The following CFTR variants were observed in gnomAD, a reference collection of about 807,000 sequenced individuals.
CFTR encodes CF transmembrane conductance regulator, also known as cystic fibrosis transmembrane conductance regulator.
CFTR carries 181 observed loss-of-function variants against 171.6 expected under a neutral mutation model. The ratio of observed to expected loss-of-function variants is 1.05; its 90% CI spans 0.93 to 1.19. CFTR has a LOEUF of 1.19. Ranked by LOEUF, CFTR falls within the 50% of genes most tolerant of loss-of-function variation. The pLI is 0.00. For missense variants in CFTR, 1,968 were observed against 1,734.7 expected (o/e 1.13, Z -2.39); for synonymous variants, 583 against 608.0 (o/e 0.96, Z 0.60).
chr7:117,509,469 A>T (rs1351857962), intron 3 of CFTR, among the ~76,000 whole-genome samples: 1 of 152,174 alleles, frequency 6.6e-6, no homozygotes, highest in Non-Finnish European at 1.5e-5. Context: ...TGCTGTATTC[A>T]ACAGGAGAGT....
At chr7:117,614,560 C>A in intron 20 of CFTR, 53 bp from the exon 21 acceptor site, 1 of 1,173,650 alleles carries the variant, frequency 8.5e-7, no homozygotes, top group Non-Finnish European at 1.3e-6. Context: ...TAAAGTCGTT[C>A]ACAGAAGAGA....
At chr7:117,594,326 G>C (rs1014620) in intron 14 of CFTR, among the ~76,000 whole-genome samples, 180 of 152,244 alleles carry the variant, frequency 1.2e-3, no homozygotes, top group African/African-American at 4.0e-3. Context: ...CCTTTGGACT[G>C]TCTGGAATCT....
chr7:117,562,250 A>G (rs35728133), intron 11 of CFTR, among the ~76,000 whole-genome samples: 97 of 152,252 alleles, frequency 6.4e-4, no homozygotes, highest in African/African-American at 2.2e-3. Flanking sequence ...TAGGAGAAAT[A>G]CCCCTGAGAG....
intron 9 of CFTR, among the ~76,000 whole-genome samples, chr7:117,542,573 A>G (rs1222647660): frequency 6.6e-6 from 1 of 152,136 alleles, no homozygotes; most frequent in East Asian, 1.9e-4. Flanking sequence ...AAAAATAAAA[A>G]TAAAAAGAAG....
At chr7:117,650,345 G>T (rs1158371847) in intron 23 of CFTR, among the ~76,000 whole-genome samples, 1 of 152,072 alleles carries the variant, frequency 6.6e-6, no homozygotes, top group Non-Finnish European at 1.5e-5. Context: ...CCAAGTTTCT[G>T]GATTGAAGAA....
intron 15 of CFTR, among the ~76,000 whole-genome samples, chr7:117,596,935 G>C (rs1792139290): frequency 6.6e-6 from 1 of 152,010 alleles, no homozygotes; most frequent in South Asian, 2.1e-4. Flanking sequence ...GTCTAGCTCA[G>C]GGATTGTAAA....
chr7:117,657,613 T>C (rs533480590), intron 24 of CFTR, among the ~76,000 whole-genome samples: 15 of 152,228 alleles, frequency 9.9e-5, no homozygotes, highest in Non-Finnish European at 2.1e-4. Flanking sequence ...TGTCAAACAC[T>C]AAACTGGACA....
At chr7:117,643,120 C>T (rs1792946508) in intron 23 of CFTR, among the ~76,000 whole-genome samples, 1 of 151,890 alleles carries the variant, frequency 6.6e-6, no homozygotes, top group Admixed American at 6.6e-5. Flanking sequence ...GTCTCATTGC[C>T]TTAGTATCAT....
At chr7:117,648,222 CT>C (rs1562924881) in intron 23 of CFTR, among the ~76,000 whole-genome samples, 2 of 151,724 alleles carry the variant, frequency 1.3e-5, no homozygotes, top group Non-Finnish European at 2.9e-5. Context: ...GCACTGTATG[CT>C]TAAAGAAAAA....
chr7:117,648,822 G>A (rs372376192), intron 23 of CFTR, among the ~76,000 whole-genome samples: 1 of 152,164 alleles, frequency 6.6e-6, no homozygotes, highest in African/African-American at 2.4e-5. Flanking sequence ...AGAGTGCCAG[G>A]TACTATTTGT....
chr7:117,641,078 TTTGA>T (rs1273117386), intron 22 of CFTR, among the ~76,000 whole-genome samples: 2 of 152,152 alleles, frequency 1.3e-5, no homozygotes, highest in South Asian at 2.1e-4. Context: ...GTACTTAACA[TTTGA>T]TTGATCTGAT....
In CFTR at chr7:117,642,451, G is replaced by A. The variant is rs267606723; in HGVS notation, c.3731G>A (p.Gly1244Glu). The part of the protein sequence containing the change: ...ISPGQRVGLL[G>E]RTGSGKSTLL... ...TTTACCTTATAGGTGGGCCTCTTGG[G>A]AAGAACTGGATCAGGGAAGAGTACT... The change falls in exon 23 of 27, where the codon GGA becomes GAA. Residue 1244 changes from glycine (G) to glutamate (E), a missense_variant. Gly to Glu is a moderately conservative substitution (Grantham distance 98, BLOSUM62 -2). Transcript: ENST00000003084. The A allele has an allele frequency of 5.0e-6, 8 of 1,613,606 alleles. No individual in the cohort carries two copies. Among genetic ancestry groups the A allele is most frequent in the Admixed American group, 3.3e-5 (2 of 59,984 alleles).
intron 12 of CFTR, among the ~76,000 whole-genome samples, chr7:117,588,712 C>A (rs1017547012): frequency 2.4e-4 from 36 of 152,216 alleles, no homozygotes; most frequent in Non-Finnish European, 8.8e-5. Context: ...CCTTACAGCT[C>A]TGCAAAGTAA....
intron 6 of CFTR, among the ~76,000 whole-genome samples, 182 bp downstream of exon 6, chr7:117,535,593 G>A (rs1798940974): frequency 6.9e-6 from 1 of 143,970 alleles, no homozygotes; most frequent in African/African-American, 2.6e-5. Context: ...GCAGTGGCAC[G>A]ATCTTGGCTC....
At chr7:117,525,362 A>G (rs1428497752) in intron 3 of CFTR, among the ~76,000 whole-genome samples, 1 of 138,924 alleles carries the variant, frequency 7.2e-6, no homozygotes, top group Non-Finnish European at 1.5e-5. Flanking sequence ...TATTCTGTTG[A>G]TTTGGGGTGG....
chr7:117,577,706 C>G (rs774372222), intron 11 of CFTR, among the ~76,000 whole-genome samples: 2 of 152,028 alleles, frequency 1.3e-5, no homozygotes, highest in African/African-American at 2.4e-5. Flanking sequence ...TACAATTGAC[C>G]CTTGGACAAT....
At chr7:117,588,210 G>A (rs1791974695) in intron 12 of CFTR, among the ~76,000 whole-genome samples, 2 of 151,986 alleles carry the variant, frequency 1.3e-5, no homozygotes, top group African/African-American at 2.4e-5. Flanking sequence ...AGGCTTCTTG[G>A]TATAGATAAA....
At chr7:117,639,947 C>T (rs958167758) in intron 22 of CFTR, among the ~76,000 whole-genome samples, 1 of 152,090 alleles carries the variant, frequency 6.6e-6, no homozygotes, top group African/African-American at 2.4e-5. Flanking sequence ...CCATCTGTTG[C>T]AGTATTAAAA....
intron 1 of CFTR, among the ~76,000 whole-genome samples, chr7:117,485,282 A>G (rs1798056752): frequency 6.6e-6 from 1 of 152,196 alleles, no homozygotes; most frequent in South Asian, 2.1e-4. Context: ...CGTTAAAAAC[A>G]TCTCTGACTC....
Sources: gnomAD v4.1 joint callset for allele counts (sites outside exome capture counted in the v4.1 genomes callset) on GRCh38, gnomAD v4.1.1 for gene constraint, MANE v1.5 for transcripts, NCBI Gene and HGNC (gene_info 2026-07-23, HGNC 2026-07-21) for gene names.